FAM193A: variants seen among roughly 807,000 people sequenced by gnomAD.
FAM193A encodes protein FAM193A.
In FAM193A, 22 loss-of-function variants were observed where a neutral mutation model predicts 126.5. The ratio of observed to expected loss-of-function variants is 0.17; its 90% CI spans 0.12 to 0.25. The LOEUF is 0.25. Among genes scored for constraint, FAM193A ranks in the 10% least tolerant of loss-of-function variants. The pLI is 1.00. For synonymous variants in FAM193A, 761 were observed against 646.8 expected, an observed-to-expected ratio of 1.18 and a Z score of -2.68; for missense variants, 1,675 against 1,672.8, an observed-to-expected ratio of 1.00 and a Z score of -0.02.
intron 13 of FAM193A, among the ~76,000 whole-genome samples, chr4:2,672,941 C>T (rs548389589): frequency 6.6e-6 from 1 of 152,252 alleles, no homozygotes; most frequent in South Asian, 2.1e-4. Flanking sequence ...TGCCAGAAAC[C>T]CAGTGTGAAG....
intron 5 of FAM193A, among the ~76,000 whole-genome samples, chr4:2,633,773 A>G (rs760108834): frequency 4.8e-4 from 72 of 151,520 alleles, no homozygotes; most frequent in Non-Finnish European, 9.6e-4. Context: ...CGCGCCTATA[A>G]TCCCAGCTAC....
intron 1 of FAM193A, among the ~76,000 whole-genome samples, chr4:2,584,684 T>G (rs1740135506): frequency 6.6e-6 from 1 of 152,150 alleles, no homozygotes; most frequent in Admixed American, 6.5e-5. Flanking sequence ...CCCAGCACTT[T>G]GGGAGGCCGA....
intron 1 of FAM193A, among the ~76,000 whole-genome samples, chr4:2,595,582 C>T (rs778258704): frequency 5.3e-5 from 8 of 152,166 alleles, no homozygotes; most frequent in African/African-American, 1.4e-4. Context: ...CCTGGAAGGG[C>T]GTCTGGGCCT....
At chr4:2,677,597 C>T (rs534536522) in intron 13 of FAM193A, among the ~76,000 whole-genome samples, 7 of 151,802 alleles carry the variant, frequency 4.6e-5, no homozygotes, top group Admixed American at 1.3e-4. Flanking sequence ...AAAAATTAGC[C>T]GGGCGTGGTG....
At chr4:2,730,913 G>A (rs561406806) in intron 20 of FAM193A, among the ~76,000 whole-genome samples, 1 of 152,044 alleles carries the variant, frequency 6.6e-6, no homozygotes, top group East Asian at 1.9e-4. Flanking sequence ...TTAGCTAGGT[G>A]TGGCCAGGCA....
chr4:2,612,488 G>T (rs543694477), intron 2 of FAM193A, among the ~76,000 whole-genome samples: 5 of 152,214 alleles, frequency 3.3e-5, no homozygotes, highest in East Asian at 1.9e-4. Flanking sequence ...GACAGAGTGA[G>T]ACTCCATCTC....
intron 1 of FAM193A, among the ~76,000 whole-genome samples, chr4:2,562,427 T>A (rs1207723696): frequency 6.6e-6 from 1 of 152,152 alleles, no homozygotes; most frequent in East Asian, 1.9e-4. Context: ...TACAGCATGG[T>A]GGCAAAGCGA....
intron 2 of FAM193A, among the ~76,000 whole-genome samples, chr4:2,613,046 A>G (rs1577074627): frequency 6.6e-6 from 1 of 152,202 alleles, no homozygotes; most frequent in Non-Finnish European, 1.5e-5. Flanking sequence ...CTTCAAGTCT[A>G]TGAATATGGT....
chr4:2,655,254 A>T lies in FAM193A; in HGVS notation c.1312-2549A>T, dbSNP rs556930072. On this transcript the variant is annotated intron_variant, in intron 7 of 20. Transcript: ENST00000637812. Reference sequence around the variant, plus strand: ...ATCATTTAAAAAATAAAACAGGAAGATGTCAAAATTGATGGTATGATTTTT... The same window carrying T: ...ATCATTTAAAAAATAAAACAGGAAGTTGTCAAAATTGATGGTATGATTTTT... 1.9e-5 allele frequency: 9 copies of T among 466,252 alleles called. No homozygotes were observed. In the East Asian group the frequency reaches 2.8e-4, roughly 14 times the overall value. 28.9% of individuals were successfully genotyped at this position (466,252 alleles called of 1,614,324 possible). A position where few individuals can be genotyped will look rare whatever the true frequency, so the allele number is the denominator to read the frequency against.
At chr4:2,645,982 G>T in intron 6 of FAM193A, among the ~76,000 whole-genome samples, 1 of 152,040 alleles carries the variant, frequency 6.6e-6, no homozygotes, top group East Asian at 1.9e-4. Flanking sequence ...GTATTTTCAA[G>T]AGTAAAATAA....
intron 1 of FAM193A, among the ~76,000 whole-genome samples, chr4:2,585,781 A>G: frequency 6.6e-6 from 1 of 152,160 alleles, no homozygotes; most frequent in African/African-American, 2.4e-5. Flanking sequence ...TACAGAAATT[A>G]GCTGGGTGTG....
At chr4:2,612,058 G>C (rs1002274374) in intron 2 of FAM193A, among the ~76,000 whole-genome samples, 1 of 150,950 alleles carries the variant, frequency 6.6e-6, no homozygotes, top group Non-Finnish European at 1.5e-5. Context: ...GGATGGTCTC[G>C]TTCTCCTGAC....
intron 1 of FAM193A, among the ~76,000 whole-genome samples, chr4:2,584,169 C>T (rs1189462396): frequency 6.6e-6 from 1 of 152,096 alleles, no homozygotes; most frequent in Non-Finnish European, 1.5e-5. Flanking sequence ...GTCCCCCACT[C>T]CATATTCATA....
chr4:2,711,104 G>A (rs1470141686), intron 19 of FAM193A, among the ~76,000 whole-genome samples: 4 of 151,610 alleles, frequency 2.6e-5, no homozygotes, highest in Non-Finnish European at 4.4e-5. Context: ...CACCCACCTT[G>A]GCCTCCCAAA....
Position 2,656,938 on chromosome 4 carries a change from A to C in FAM193A, c.1312-865A>C, listed in dbSNP as rs532617856. On this transcript the variant is annotated intron_variant, in intron 7 of 20. Transcript: ENST00000637812. ...TCCCAGCACTTTGGGAGGCCGAGGCAGGTGGATCACTTGAGGCCAGGAGTT... is the reference window on the plus strand; with the variant it reads ...TCCCAGCACTTTGGGAGGCCGAGGCCGGTGGATCACTTGAGGCCAGGAGTT... Among the ~76,000 whole-genome samples, 4 of 152,314 alleles carry C rather than the reference A, an allele frequency of 2.6e-5. No individual in the cohort carries two copies. In the East Asian group the frequency reaches 7.7e-4, roughly 29 times the overall value.
At chr4:2,651,186 C>T (rs1489909673) in intron 7 of FAM193A, among the ~76,000 whole-genome samples, 5 of 152,128 alleles carry the variant, frequency 3.3e-5, no homozygotes, top group African/African-American at 4.8e-5. Context: ...CAAAATTAGC[C>T]GAGCGTGGTG....
At chr4:2,613,768 C>CT (rs1553894517) in intron 2 of FAM193A, among the ~76,000 whole-genome samples, 2 of 79,214 alleles carry the variant, frequency 2.5e-5, no homozygotes, top group Non-Finnish European at 4.6e-5. Flanking sequence ...TTTTTTTTTT[C>CT]TTTTTCTTTT....
chr4:2,580,666 C>A (rs1739866798), intron 1 of FAM193A, among the ~76,000 whole-genome samples: 1 of 152,186 alleles, frequency 6.6e-6, no homozygotes, highest in Non-Finnish European at 1.5e-5. Context: ...GGCCTCCCCC[C>A]TCTATCTCTG....
At chr4:2,682,834 T>C (rs201680635) in intron 13 of FAM193A, among the ~76,000 whole-genome samples, 1 of 71,560 alleles carries the variant, frequency 1.4e-5, no homozygotes. Context: ...CTTATCCACA[T>C]GTTTATCACC....
Sources: gnomAD v4.1 joint callset for allele counts (sites outside exome capture counted in the v4.1 genomes callset) on GRCh38, gnomAD v4.1.1 for gene constraint, MANE v1.5 for transcripts, NCBI Gene and HGNC (gene_info 2026-07-23, HGNC 2026-07-21) for gene names.